Variants in MAOA observed in about 807,000 individuals in gnomAD.
The protein encoded by MAOA is amine oxidase [flavin-containing] A.
A neutral mutation model predicts 42.0 loss-of-function variants in MAOA; 6 were observed. The observed-to-expected ratio is 0.14, with a 90% CI of 0.08 to 0.28. The LOEUF is 0.28. Ranked by LOEUF, MAOA falls within the 10% of genes least tolerant of loss-of-function variation. The pLI is 1.00. For synonymous variants in MAOA, 140 were observed against 154.0 expected (o/e 0.91, Z 0.67); for missense variants, 262 against 422.3 (o/e 0.62, Z 3.33).
At chrX:43,690,054 A>G (rs751939989) in intron 2 of MAOA, among the ~76,000 whole-genome samples, 31 of 110,023 alleles carry the variant, frequency 2.8e-4, no homozygotes, top group African/African-American at 9.2e-4. Flanking sequence ...TTTCTTTGGT[A>G]TACTGCAGTT....
intron 2 of MAOA, among the ~76,000 whole-genome samples, chrX:43,693,017 A>G (rs1403141540): frequency 8.9e-6 from 1 of 111,850 alleles, no homozygotes; most frequent in Non-Finnish European, 1.9e-5. Flanking sequence ...CTGGCAGAAC[A>G]TACTACAGTG....
Position 43,731,406 on chromosome X carries a change from C to T in MAOA, c.795+16C>T. On this transcript the variant is annotated intron_variant, in intron 7 of 14. Transcript: ENST00000338702. ...ACATTATGAGGTAACTCAGTTTAGT[C>T]AAAAGGAGCATATAGTAAATAGGCC... 1 of 1,198,145 alleles carries T rather than the reference C, an allele frequency of 8.3e-7. No individual in the cohort carries two copies. Among genetic ancestry groups the T allele is most frequent in the South Asian group, 1.8e-5 (1 of 56,586 alleles).
intron 5 of MAOA, among the ~76,000 whole-genome samples, chrX:43,718,469 C>T (rs941547352): frequency 8.3e-5 from 9 of 108,727 alleles, no homozygotes; most frequent in African/African-American, 2.0e-4. Flanking sequence ...AAAGGCTCTG[C>T]GGGGAAACAG....
rs777118930 is a variant in MAOA, at chrX:43,676,429, C to G, written c.74-7084C>G. ...GGCAATGCTTCACCCTACTTTGGCT[C>G]GCGCACGGTGCACCGCACCCACTGT... On this transcript the variant is annotated intron_variant, in intron 1 of 14. Coordinates refer to ENST00000338702, the MANE Select transcript of MAOA (RefSeq NM_000240.4). Among the ~76,000 whole-genome samples the G allele has an allele frequency of 9.9e-5, 11 of 111,259 alleles. No homozygotes were observed. The East Asian group carries it at 2.6e-3, about 26-fold the overall frequency.
At chrX:43,676,147 G>A (rs2033393262) in intron 1 of MAOA, among the ~76,000 whole-genome samples, 2 of 112,168 alleles carry the variant, frequency 1.8e-5, no homozygotes, top group South Asian at 7.4e-4. Context: ...CCTGGGCAAT[G>A]GCGGGTGCCC....
At chrX:43,665,554 C>G (rs2033268991) in intron 1 of MAOA, among the ~76,000 whole-genome samples, 1 of 111,538 alleles carries the variant, frequency 9.0e-6, no homozygotes, top group African/African-American at 3.3e-5. Context: ...ATTGCATTCC[C>G]TAACTTGGGT....
chrX:43,687,261 C>T (rs1409842811), intron 2 of MAOA, among the ~76,000 whole-genome samples: 1 of 111,942 alleles, frequency 8.9e-6, no homozygotes, highest in Non-Finnish European at 1.9e-5. Flanking sequence ...TCATTTAGAA[C>T]GTTCTTACTT....
rs766250094 is a variant in MAOA, at chrX:43,727,630, C to T, written c.504-543C>T. ...GTGTGGGACCCACTGAGCCAGGCAC[C>T]GGAGGGAATCTCCTGATCTGCCAGT... On this transcript the variant is annotated intron_variant, in intron 5 of 14. Coordinates refer to ENST00000338702, the MANE Select transcript of MAOA (RefSeq NM_000240.4). Among the ~76,000 whole-genome samples, 6 of 112,865 alleles carry T rather than the reference C, an allele frequency of 5.3e-5. No homozygotes were observed. In the South Asian group the frequency reaches 1.1e-3, roughly 20 times the overall value.
intron 9 of MAOA, among the ~76,000 whole-genome samples, chrX:43,735,634 T>C (rs1408200099): frequency 8.9e-6 from 1 of 112,778 alleles, no homozygotes; most frequent in African/African-American, 3.2e-5. Context: ...CAAAGGCCTC[T>C]GCCATTCCCT....
intron 3 of MAOA, among the ~76,000 whole-genome samples, chrX:43,700,601 G>T (rs905668048): frequency 7.1e-5 from 8 of 111,912 alleles, no homozygotes; most frequent in Non-Finnish European, 1.3e-4. Flanking sequence ...CAGCTAAACA[G>T]CCCCCAGTGT....
At chrX:43,675,034 C>A (rs2033380709) in intron 1 of MAOA, among the ~76,000 whole-genome samples, 1 of 111,976 alleles carries the variant, frequency 8.9e-6, no homozygotes, top group Non-Finnish European at 1.9e-5. Flanking sequence ...TAATATCCTG[C>A]AGAGTGTTTT....
At chrX:43,730,498 T>C (rs770522542) in intron 6 of MAOA, among the ~76,000 whole-genome samples, 1 of 100,728 alleles carries the variant, frequency 9.9e-6, no homozygotes, top group African/African-American at 3.7e-5. Context: ...TTTTTTTTTT[T>C]TTTTTTTTTT....
At chrX:43,672,162 C>T (rs1409511695) in intron 1 of MAOA, among the ~76,000 whole-genome samples, 1 of 111,157 alleles carries the variant, frequency 9.0e-6, no homozygotes, top group Admixed American at 9.6e-5. Flanking sequence ...CCTTCACATC[C>T]CTTGTAAGTT....
rs776126483 is a variant in MAOA at position 43,701,287 on chromosome X, A to AGAG, written c.306+7861_306+7863dup. 7.2e-5 allele frequency among the ~76,000 whole-genome samples: 8 copies of AGAG among 111,701 alleles called. No individual in the cohort carries two copies. The East Asian group carries it at 1.7e-3, about 24-fold the overall frequency. On this transcript the variant is annotated intron_variant, in intron 3 of 14. Transcript: ENST00000338702. ...AGGTCAGCATTAGCCATCTCCTCTC[A>AGAG]GAGGCTCCTTCTTCCTATAAACTCT...
At chrX:43,713,375 A>T (rs564541452) in intron 5 of MAOA, among the ~76,000 whole-genome samples, 21 of 111,721 alleles carry the variant, frequency 1.9e-4, no homozygotes, top group African/African-American at 6.8e-4. Flanking sequence ...TAACTAATGC[A>T]TGTGGGTCTT....
chrX:43,720,295 C>T (rs910031738), intron 5 of MAOA, among the ~76,000 whole-genome samples: 2 of 109,078 alleles, frequency 1.8e-5, no homozygotes, highest in African/African-American at 3.4e-5. Context: ...GCCACAGGTG[C>T]GGTGGCTGGG....
At position 43,744,766 on chromosome X, in the gene MAOA, C is replaced by G. The variant is rs2033986931; in HGVS notation, c.*253C>G. 1 of 399,953 alleles carries G rather than the reference C, an allele frequency of 2.5e-6. No individual in the cohort carries two copies. The highest frequency in any genetic ancestry group is 3.7e-5 in the South Asian group (1 of 26,842). 33.0% of individuals were successfully genotyped at this position (399,953 alleles called of 1,213,427 possible). A position where few individuals can be genotyped will look rare whatever the true frequency, so the allele number is the denominator to read the frequency against. ...TTGATAGAATAAAGCCTTGTGATCACTTTCTGAAATTCACAAAGTTAAACG... is the reference window on the plus strand; with the variant it reads ...TTGATAGAATAAAGCCTTGTGATCAGTTTCTGAAATTCACAAAGTTAAACG... On this transcript the variant is annotated 3_prime_UTR_variant, in exon 15 of 15. Transcript: ENST00000338702.
chrX:43,662,029 A>T (rs1433078261), intron 1 of MAOA, among the ~76,000 whole-genome samples: 2 of 111,552 alleles, frequency 1.8e-5, no homozygotes, highest in Non-Finnish European at 3.8e-5. Context: ...ACATACCACA[A>T]TTTCCCTTTT....
intron 5 of MAOA, among the ~76,000 whole-genome samples, chrX:43,720,840 G>T (rs1021166993): frequency 4.5e-5 from 5 of 110,593 alleles, no homozygotes; most frequent in African/African-American, 1.7e-4. Flanking sequence ...TAGTATTAGG[G>T]TGGCAATAGG....
Sources: gnomAD v4.1 joint callset for allele counts (sites outside exome capture counted in the v4.1 genomes callset) on GRCh38, gnomAD v4.1.1 for gene constraint, MANE v1.5 for transcripts, NCBI Gene and HGNC (gene_info 2026-07-23, HGNC 2026-07-21) for gene names.